The following GRM7 variants were observed in gnomAD, a reference collection of about 807,000 sequenced individuals.
The protein encoded by GRM7 is metabotropic glutamate receptor 7.
In GRM7, 35 loss-of-function variants were observed where a neutral mutation model predicts 84.5. The observed-to-expected ratio is 0.41, with a 90% CI of 0.32 to 0.55. The LOEUF is 0.55. Among genes scored for constraint, GRM7 ranks in the 20% least tolerant of loss-of-function variants. The pLI is 0.19. For missense variants in GRM7, 1,003 were observed against 1,194.6 expected, an observed-to-expected ratio of 0.84 and a Z score of 2.36; for synonymous variants, 487 against 455.1, an observed-to-expected ratio of 1.07 and a Z score of -0.89.
chr3:7,641,161 C>A (rs74655263), intron 8 of GRM7, among the ~76,000 whole-genome samples: 3,632 of 152,242 alleles, frequency 0.024, 122 homozygotes, highest in East Asian at 0.075. Flanking sequence ...TTTCTTCCTA[C>A]TTCTTCCAAA....
rs545511595 is a variant in GRM7, at chr3:7,007,371, C to A, written c.520-139081C>A. On this transcript the variant is annotated intron_variant, in intron 1 of 9. Coordinates refer to ENST00000357716, the MANE Select transcript of GRM7 (RefSeq NM_000844.4). ...ATGTGTGTTATTCATATTTTTTTGG[C>A]CTTCAAGATCTTCCCTATAACTCTC... Among the ~76,000 whole-genome samples, 41 of 152,162 alleles carry A rather than the reference C, an allele frequency of 2.7e-4. No homozygotes were observed. In the South Asian group the frequency reaches 4.2e-3, roughly 15 times the overall value.
chr3:7,673,715 C>G (rs1700022436), intron 8 of GRM7, among the ~76,000 whole-genome samples: 1 of 152,136 alleles, frequency 6.6e-6, no homozygotes, highest in Admixed American at 6.5e-5. Context: ...AAGAGGCAGG[C>G]TTACAGGCAG....
At chr3:7,404,664 A>C (rs909415924) in intron 4 of GRM7, among the ~76,000 whole-genome samples, 2 of 152,120 alleles carry the variant, frequency 1.3e-5, no homozygotes, top group African/African-American at 4.8e-5. Context: ...GGAATTTAGC[A>C]TAGGGAAATA....
At position 7,247,257 on chromosome 3, in the gene GRM7, A is replaced by C. The variant is rs77869383; in HGVS notation, c.737-51427A>C. ...GGTGAGCAAAAATTTTTCAAGACACAAATAGCACACAGTACAAAACAAAAA... is the reference window on the plus strand; with the variant it reads ...GGTGAGCAAAAATTTTTCAAGACACCAATAGCACACAGTACAAAACAAAAA... On this transcript the variant is annotated intron_variant, in intron 2 of 9. Transcript: ENST00000357716. 3.6e-3 allele frequency among the ~76,000 whole-genome samples: 550 copies of C among 152,204 alleles called. 2 individuals carry two copies. Among genetic ancestry groups the C allele is most frequent in the African/African-American group, 0.012 (508 of 41,538 alleles).
rs1336783487 is a variant in GRM7, at chr3:7,276,249, G to GTT, written c.737-22434_737-22433insTT. Among the ~76,000 whole-genome samples the GTT allele has an allele frequency of 2.8e-5, 4 of 143,662 alleles. No homozygotes were observed. In the East Asian group the frequency reaches 8.3e-4, roughly 30 times the overall value. The allele number at this position is 143,662 out of a possible 152,430, so 94.2% of individuals were successfully genotyped here. A position where few individuals can be genotyped will look rare whatever the true frequency, so the allele number is the denominator to read the frequency against. Reference sequence around the variant, plus strand: ...TGTGTGTGTGTGTGTGTGTGTGTGTGTATATATAATTGTCCTCTCAATGTA... The same window carrying GTT: ...TGTGTGTGTGTGTGTGTGTGTGTGTGTTTATATATAATTGTCCTCTCAATGTA... On this transcript the variant is annotated intron_variant, in intron 2 of 9. Transcript: ENST00000357716.
rs780095021 is a variant in GRM7, at chr3:7,146,647, A to G, written c.715A>G (p.Thr239Ala). 1.2e-6 allele frequency: 2 copies of G among 1,613,100 alleles called. No individual in the cohort carries two copies. Among genetic ancestry groups the G allele is most frequent in the Non-Finnish European group, 1.7e-6 (2 of 1,179,692 alleles). The change falls in exon 2 of 10, where the codon ACG (threonine) becomes GCG (alanine). Residue 239 changes from threonine to alanine, a missense_variant. Around this residue, in one of 2 missense-constraint regions of GRM7, gnomAD observed 910 missense variants for 1,126.0 expected, o/e 0.81. Coordinates refer to ENST00000357716, the MANE Select transcript of GRM7 (RefSeq NM_000844.4). Reference protein sequence around the residue: ...SYGEKGVESFTQISKEAGGLC... With the variant: ...SYGEKGVESFAQISKEAGGLC... The stretch of plus-strand genomic sequence containing the variant: ...TGGAGAGAAAGGTGTGGAGTCCTTC[A>G]CGCAGATTTCCAAAGAGGCAGGTAG...
intron 8 of GRM7, among the ~76,000 whole-genome samples, chr3:7,608,320 A>G (rs189359840): frequency 2.6e-4 from 40 of 152,250 alleles, no homozygotes; most frequent in African/African-American, 9.6e-4. Flanking sequence ...ACTAAGGTTG[A>G]GCTAATTTAC....
At position 7,233,901 on chromosome 3, in the gene GRM7, T is replaced by G. The variant is rs1697269991; in HGVS notation, c.737-64783T>G. On this transcript the variant is annotated intron_variant, in intron 2 of 9. Transcript: ENST00000357716. ...AAAGCACTATTTCAGAGTGGCAACC[T>G]AGGCTTTTCTTGAATACATCCCATA... Among the ~76,000 whole-genome samples, 4 of 152,252 alleles carry G rather than the reference T, an allele frequency of 2.6e-5. No homozygotes were observed. In the South Asian group the frequency reaches 8.3e-4, roughly 32 times the overall value.
At chr3:6,999,326 A>T (rs971826183) in intron 1 of GRM7, among the ~76,000 whole-genome samples, 1 of 152,180 alleles carries the variant, frequency 6.6e-6, no homozygotes, top group Non-Finnish European at 1.5e-5. Context: ...TTTTGGTCAA[A>T]GTCATTCAAC....
chr3:7,740,472 T>C lies in GRM7; in HGVS notation c.*66T>C, dbSNP rs557750470. On this transcript the variant is annotated 3_prime_UTR_variant, in exon 10 of 10. Transcript: ENST00000357716. The stretch of plus-strand genomic sequence containing the variant: ...AGTTATTTTGTCACCCAACCTGGCA[T>C]AGGACTCTTTGGTCCTACCCGCTTC... The C allele has an allele frequency of 4.0e-5, 37 of 931,108 alleles. No homozygotes were observed. Among genetic ancestry groups the C allele is most frequent in the South Asian group, 3.9e-4 (24 of 61,010 alleles). 57.7% of individuals were successfully genotyped at this position (931,108 alleles called of 1,614,324 possible).
At chr3:7,167,973 C>CAAAAAA (rs60681836) in intron 2 of GRM7, among the ~76,000 whole-genome samples, 1 of 54,610 alleles carries the variant, frequency 1.8e-5, no homozygotes, top group Non-Finnish European at 3.3e-5. Context: ...GACTCTGTCT[C>CAAAAAA]AAAAAAAAAA....
intron 2 of GRM7, among the ~76,000 whole-genome samples, chr3:7,156,475 G>A (rs899145936): frequency 2.0e-5 from 3 of 152,130 alleles, no homozygotes; most frequent in Non-Finnish European, 2.9e-5. Context: ...GATCAGTAAC[G>A]TAAGACACTT....
chr3:7,470,939 T>C (rs17047404), intron 7 of GRM7, among the ~76,000 whole-genome samples: 1,841 of 151,950 alleles, frequency 0.012, 37 homozygotes, highest in African/African-American at 0.042. Flanking sequence ...TTCCATCCAA[T>C]TGGGAGAAAC....
chr3:7,036,453 T>A (rs1696387656), intron 1 of GRM7, among the ~76,000 whole-genome samples: 1 of 152,140 alleles, frequency 6.6e-6, no homozygotes, highest in African/African-American at 2.4e-5. Context: ...AGGGTCATCA[T>A]CTTGAGAATC....
chr3:7,004,498 C>G (rs1477669459), intron 1 of GRM7, among the ~76,000 whole-genome samples: 1 of 152,054 alleles, frequency 6.6e-6, no homozygotes, highest in African/African-American at 2.4e-5. Context: ...TGAGAAGGAA[C>G]CTATTTTTAA....
chr3:7,326,236 C>T (rs1700981817), intron 4 of GRM7, among the ~76,000 whole-genome samples: 1 of 151,188 alleles, frequency 6.6e-6, no homozygotes. Context: ...TGGTTTTATA[C>T]AAGGAGGCCT....
chr3:7,636,650 C>A (rs1045968415), intron 8 of GRM7, among the ~76,000 whole-genome samples: 1 of 152,148 alleles, frequency 6.6e-6, no homozygotes, highest in Non-Finnish European at 1.5e-5. Context: ...TTAGAGAATC[C>A]TCGGATCACA....
intron 9 of GRM7, among the ~76,000 whole-genome samples, chr3:7,710,517 G>A (rs1701545571): frequency 6.6e-6 from 1 of 151,764 alleles, no homozygotes; most frequent in Non-Finnish European, 1.5e-5. Flanking sequence ...GCATTATCAG[G>A]AAACCAACCT....
intron 2 of GRM7, among the ~76,000 whole-genome samples, chr3:7,231,086 A>C (rs1697181476): frequency 6.6e-6 from 1 of 152,152 alleles, no homozygotes; most frequent in African/African-American, 2.4e-5. Context: ...GTAGGGAATT[A>C]GCTAGAGAAA....
Sources: allele counts gnomAD v4.1 joint callset (sites outside exome capture counted in the v4.1 genomes callset), GRCh38; gene constraint gnomAD v4.1.1; regional missense constraint gnomAD v4.1.1; transcripts MANE v1.5; gene names NCBI Gene and HGNC (gene_info 2026-07-23, HGNC 2026-07-21).